The following CORO7 variants were observed in gnomAD, a reference collection of about 807,000 sequenced individuals.
The protein encoded by CORO7 is coronin 7, also known as coronin-7.
Under a neutral mutation model 126.6 loss-of-function variants are expected in CORO7, and 107 were observed. The ratio of observed to expected loss-of-function variants is 0.85; its 90% CI spans 0.72 to 0.99. The LOEUF (loss-of-function observed/expected upper bound fraction) is 0.99, where lower values mean the gene tolerates loss of function less well. Among genes scored for constraint, CORO7 ranks in the 50% least tolerant of loss-of-function variants. The pLI is 0.00. For missense variants in CORO7, 1,314 were observed against 1,255.8 expected, an observed-to-expected ratio of 1.05 and a Z score of -0.70; for synonymous variants, 603 against 536.8, an observed-to-expected ratio of 1.12 and a Z score of -1.70.
chr16:4,409,504 G>A (rs1442569464), intron 3 of CORO7, among the ~76,000 whole-genome samples: 1 of 152,226 alleles, frequency 6.6e-6, no homozygotes, highest in African/African-American at 2.4e-5. Flanking sequence ...GGGTTGACAC[G>A]CAGGGACCTC....
In CORO7 at chr16:4,413,355, T is replaced by C; in HGVS notation, c.110A>G (p.His37Arg). ...GATCAAGCTGCAGCTTGATTTGATG[T>C]GGTTCCTGCATGAAGGGGCGGTTCC... ...RAGTAPSCRN[H>R]IKSSCSLIAF... is the part of the protein sequence containing the mutation. The change falls in exon 2 of 28, where the codon CAC becomes CGC. Residue 37 changes from histidine to arginine, a missense_variant. Coordinates refer to ENST00000251166, the MANE Select transcript of CORO7 (RefSeq NM_024535.5). 6.3e-7 allele frequency: 1 copy of C among 1,587,080 alleles called. No individual in the cohort carries two copies. The highest frequency in any genetic ancestry group is 8.6e-7 in the Non-Finnish European group (1 of 1,165,730).
chr16:4,360,688 C>G (rs1218818159), intron 19 of CORO7, 140 bp from the exon 20 acceptor site: 8 of 1,321,028 alleles, frequency 6.1e-6, no homozygotes, highest in Non-Finnish European at 8.2e-6. Context: ...GGTCTTGCCT[C>G]TCCTCACTGC....
intron 9 of CORO7, among the ~76,000 whole-genome samples, chr16:4,387,323 G>C (rs974749620): frequency 1.3e-5 from 2 of 152,064 alleles, no homozygotes; most frequent in African/African-American, 4.8e-5. Flanking sequence ...GACTGTGCCT[G>C]GCCAGGACCC....
chr16:4,415,510 G>C (rs1734692632), intron 1 of CORO7, among the ~76,000 whole-genome samples: 1 of 152,136 alleles, frequency 6.6e-6, no homozygotes, highest in Non-Finnish European at 1.5e-5. Context: ...GGCTACAAGT[G>C]CCACAGGGGA....
intron 7 of CORO7, among the ~76,000 whole-genome samples, chr16:4,394,380 C>T (rs142016021): frequency 0.012 from 1,819 of 148,912 alleles, 40 homozygotes; most frequent in African/African-American, 0.043. Flanking sequence ...ACCCAGGAGG[C>T]GGAACTTGCA....
intron 6 of CORO7, among the ~76,000 whole-genome samples, chr16:4,403,533 G>A (rs2055889322): frequency 6.6e-6 from 1 of 152,110 alleles, no homozygotes; most frequent in African/African-American, 2.4e-5. Context: ...TGTGCTTCTC[G>A]TCCCTGCAAC....
chr16:4,390,692 G>A (rs1216134893), intron 7 of CORO7, among the ~76,000 whole-genome samples: 2 of 152,206 alleles, frequency 1.3e-5, no homozygotes, highest in African/African-American at 2.4e-5. Flanking sequence ...CCCTTGGCCT[G>A]TAGCTCCCAC....
At chr16:4,381,399 G>A (rs1214115940) in intron 9 of CORO7, 1 of 1,587,582 alleles carries the variant, frequency 6.3e-7, no homozygotes. Context: ...TGCTGCTGCT[G>A]GACCTCAGCC....
chr16:4,388,783 C>T (rs1017998191), intron 7 of CORO7, 152 bp from the exon 8 acceptor site: 16 of 854,460 alleles, frequency 1.9e-5, no homozygotes, highest in Non-Finnish European at 2.9e-5. Flanking sequence ...CACGTCCCCA[C>T]TGGGACCAAG....
chr16:4,413,761 C>G (rs1028921748), intron 1 of CORO7, among the ~76,000 whole-genome samples: 1 of 151,248 alleles, frequency 6.6e-6, no homozygotes, highest in Non-Finnish European at 1.5e-5. Flanking sequence ...TGGTCTCGAA[C>G]TCCTGGCCTC....
chr16:4,403,473 AG>A (rs2055886976), intron 6 of CORO7, among the ~76,000 whole-genome samples: 1 of 152,106 alleles, frequency 6.6e-6, no homozygotes, highest in Non-Finnish European at 1.5e-5. Context: ...CCAGGGAAGG[AG>A]GGGGAGTCGT....
intron 9 of CORO7, among the ~76,000 whole-genome samples, chr16:4,386,525 G>T (rs967760759): frequency 3.3e-5 from 5 of 152,190 alleles, no homozygotes; most frequent in Non-Finnish European, 5.9e-5. Flanking sequence ...GGCCTGGGAT[G>T]GGGGACATGG....
chr16:4,375,019 A>C (rs545066833), intron 9 of CORO7, among the ~76,000 whole-genome samples: 146 of 152,224 alleles, frequency 9.6e-4, no homozygotes, highest in African/African-American at 3.2e-3. Context: ...CGAAAGTGGC[A>C]TCTGGACTGG....
chr16:4,408,129 C>T lies in CORO7; in HGVS notation c.303+52G>A, dbSNP rs1395751523. The T allele has an allele frequency of 4.3e-6, 7 of 1,613,306 alleles. No individual in the cohort carries two copies. In the Admixed American group the frequency reaches 8.3e-5, roughly 19 times the overall value. On this transcript the variant is annotated intron_variant, in intron 4 of 27. Coordinates refer to ENST00000251166, the MANE Select transcript of CORO7 (RefSeq NM_024535.5). Reference sequence around the variant, plus strand: ...GGGATGGCGCTGGGGCTCAGAAGGCCCTGGACTACGGGCTGGGACATAGAG... The same window carrying T: ...GGGATGGCGCTGGGGCTCAGAAGGCTCTGGACTACGGGCTGGGACATAGAG...
Position 4,360,488 on chromosome 16 carries a change from G to A in CORO7, c.1978C>T (p.Arg660Cys), listed in dbSNP as rs148013970. The change falls in exon 20 of 28, where the codon CGT becomes TGT. Residue 660 changes from arginine (R) to cysteine (C), a missense_variant. Transcript: ENST00000251166. ...QQLATVCKDG[R>C]VRVYRPRSGP... The stretch of plus-strand genomic sequence containing the variant: ...CTCCGGGGCCTGTAGACCCGCACAC[G>A]CCCATCCTTGCAGACAGTGGCCAGC... The A allele has an allele frequency of 6.0e-5, 97 of 1,612,080 alleles. No homozygotes were observed. The highest frequency in any genetic ancestry group is 8.0e-5 in the African/African-American group (6 of 74,872).
intron 9 of CORO7, among the ~76,000 whole-genome samples, chr16:4,378,123 C>T (rs1223002494): frequency 6.6e-6 from 1 of 152,178 alleles, no homozygotes; most frequent in Non-Finnish European, 1.5e-5. Flanking sequence ...AGCTGGCCTG[C>T]ACACCTGGCC....
intron 3 of CORO7, among the ~76,000 whole-genome samples, chr16:4,410,196 GGGA>G (rs1217896843): frequency 6.6e-5 from 10 of 152,268 alleles, no homozygotes; most frequent in African/African-American, 2.4e-4. Context: ...AGGCCAAGGT[GGGA>G]AGATCACTTG....
chr16:4,381,773 C>T (rs1205157641), intron 9 of CORO7: 1 of 1,601,422 alleles, frequency 6.2e-7, no homozygotes, highest in Non-Finnish European at 8.5e-7. Context: ...GCCCGCAACC[C>T]CTTCAACTGC....
intron 6 of CORO7, among the ~76,000 whole-genome samples, chr16:4,401,558 G>T (rs984174894): frequency 6.6e-6 from 1 of 152,224 alleles, no homozygotes; most frequent in African/African-American, 2.4e-5. Flanking sequence ...GAGGGACAGA[G>T]AGAGGAGGAT....
Sources: allele counts gnomAD v4.1 joint callset (sites outside exome capture counted in the v4.1 genomes callset), GRCh38; gene constraint gnomAD v4.1.1; transcripts MANE v1.5; gene names NCBI Gene and HGNC (gene_info 2026-07-23, HGNC 2026-07-21).